VEPH1: variants seen among roughly 807,000 people sequenced by gnomAD.
The protein encoded by VEPH1 is ventricular zone-expressed PH domain-containing protein homolog 1.
A neutral mutation model predicts 85.2 loss-of-function variants in VEPH1; 80 were observed. That is an observed-to-expected ratio of 0.94 (90% CI 0.78 to 1.13). VEPH1 has a LOEUF of 1.13. VEPH1 is among the 50% of genes most tolerant of loss of function. The probability of loss-of-function intolerance (pLI) is 0.00; values close to 1 mark genes in which losing one functional copy is unlikely to be tolerated. For synonymous variants in VEPH1, 297 were observed against 348.0 expected (o/e 0.85, Z 1.63); for missense variants, 955 against 980.5 (o/e 0.97, Z 0.35).
At chr3:157,470,154 A>C (rs1736783193) in intron 3 of VEPH1, among the ~76,000 whole-genome samples, 160 bp downstream of exon 3, 1 of 152,156 alleles carries the variant, frequency 6.6e-6, no homozygotes, top group South Asian at 2.1e-4. Flanking sequence ...GAACTTTCTC[A>C]GTTTATTAAT....
intron 6 of VEPH1, among the ~76,000 whole-genome samples, chr3:157,401,910 T>C (rs1299676157): frequency 6.6e-6 from 1 of 152,128 alleles, no homozygotes; most frequent in African/African-American, 2.4e-5. Context: ...AAGTCCGAAA[T>C]ATGCTTGCCT....
chr3:157,500,982 G>A (rs78537446), intron 1 of VEPH1, among the ~76,000 whole-genome samples: 7,447 of 152,218 alleles, frequency 0.049, 244 homozygotes, highest in Middle Eastern at 0.1. Flanking sequence ...TTAACACAGA[G>A]CCTGGCATAT....
At chr3:157,289,794 A>G (rs757265593) in intron 11 of VEPH1, among the ~76,000 whole-genome samples, 4 of 152,224 alleles carry the variant, frequency 2.6e-5, no homozygotes, top group Non-Finnish European at 4.4e-5. Flanking sequence ...TAAGATAACT[A>G]GACTCCAGAA....
At chr3:157,349,295 C>T (rs1183580266) in intron 9 of VEPH1, among the ~76,000 whole-genome samples, 1 of 152,188 alleles carries the variant, frequency 6.6e-6, no homozygotes, top group Non-Finnish European at 1.5e-5. Context: ...ATGATTATTT[C>T]AATAGATGCA....
At chr3:157,397,502 T>C (rs905876983) in intron 6 of VEPH1, among the ~76,000 whole-genome samples, 4 of 152,098 alleles carry the variant, frequency 2.6e-5, no homozygotes, top group African/African-American at 9.7e-5. Flanking sequence ...TAGCATTGAA[T>C]CTATAGGCAG....
intron 2 of VEPH1, 115 bp downstream of exon 2, chr3:157,495,097 A>G: frequency 2.8e-6 from 3 of 1,069,582 alleles, no homozygotes; most frequent in Non-Finnish European, 4.0e-6. Context: ...AGAGAGACCA[A>G]TATTAGTGGT....
intron 12 of VEPH1, among the ~76,000 whole-genome samples, chr3:157,275,417 A>G (rs935395779): frequency 6.6e-6 from 1 of 152,116 alleles, no homozygotes; most frequent in Non-Finnish European, 1.5e-5. Context: ...TTCTGCTAAA[A>G]TACAAAAAAT....
rs539360434 is a variant in VEPH1, at chr3:157,421,276, TCCAGCCCTGGAAAGCCA to T, written c.696+7029_696+7045del. On this transcript the variant is annotated intron_variant, in intron 5 of 13. Coordinates refer to ENST00000362010, the MANE Select transcript of VEPH1 (RefSeq NM_001167912.2). ...TTTTTCAAGGGCCAACTGTTGACCCTCCAGCCCTGGAAAGCCATGCTATCCCAGGTCACAGAAGGTGG... is the reference window on the plus strand; with the variant it reads ...TTTTTCAAGGGCCAACTGTTGACCCTTGCTATCCCAGGTCACAGAAGGTGG... Among the ~76,000 whole-genome samples the T allele has an allele frequency of 7.9e-5, 12 of 152,126 alleles. No homozygotes were observed. The South Asian group carries it at 2.5e-3, about 32-fold the overall frequency.
chr3:157,423,854 C>A (rs1560050252), intron 5 of VEPH1, among the ~76,000 whole-genome samples: 1 of 152,100 alleles, frequency 6.6e-6, no homozygotes, highest in East Asian at 1.9e-4. Context: ...TTCTTTCTTG[C>A]CTTTCTTTGA....
chr3:157,283,603 T>A (rs1013714400), intron 12 of VEPH1, among the ~76,000 whole-genome samples: 3 of 152,200 alleles, frequency 2.0e-5, no homozygotes, highest in African/African-American at 7.2e-5. Context: ...CAGGAATGTA[T>A]GTGAGTTGAC....
chr3:157,449,479 T>C (rs1268338397), intron 4 of VEPH1, among the ~76,000 whole-genome samples: 1 of 152,230 alleles, frequency 6.6e-6, no homozygotes, highest in Non-Finnish European at 1.5e-5. Context: ...AGTTTCCATA[T>C]ATGCACAGAT....
intron 6 of VEPH1, among the ~76,000 whole-genome samples, chr3:157,405,128 A>C (rs1273329967): frequency 1.3e-5 from 2 of 152,186 alleles, no homozygotes; most frequent in South Asian, 2.1e-4. Context: ...CGATTTCTGG[A>C]GTTTGATCCT....
chr3:157,397,785 A>G (rs1460832278), intron 6 of VEPH1, among the ~76,000 whole-genome samples: 2 of 152,204 alleles, frequency 1.3e-5, no homozygotes, highest in Non-Finnish European at 2.9e-5. Context: ...TCATCCAGCC[A>G]AACCATTGGC....
intron 2 of VEPH1, among the ~76,000 whole-genome samples, chr3:157,493,603 A>C (rs911155656): frequency 6.6e-6 from 1 of 152,230 alleles, no homozygotes; most frequent in Non-Finnish European, 1.5e-5. Context: ...TGAAGAAGAC[A>C]CACGAACTCC....
chr3:157,342,991 C>T (rs762289247), intron 9 of VEPH1, among the ~76,000 whole-genome samples: 3 of 152,182 alleles, frequency 2.0e-5, no homozygotes, highest in African/African-American at 7.2e-5. Context: ...AGAACAAAGA[C>T]ATGACATACC....
chr3:157,408,230 G>A (rs768212123), intron 6 of VEPH1, among the ~76,000 whole-genome samples: 28 of 152,022 alleles, frequency 1.8e-4, no homozygotes, highest in Non-Finnish European at 2.9e-4. Flanking sequence ...CAGCCATTAT[G>A]GATGGCCTTG....
At chr3:157,295,940 GTGAGA>G (rs1292212023) in intron 11 of VEPH1, among the ~76,000 whole-genome samples, 1 of 152,118 alleles carries the variant, frequency 6.6e-6, no homozygotes, top group Admixed American at 6.6e-5. Context: ...GGGCAACAGA[GTGAGA>G]CTCCATCTCA....
At chr3:157,431,445 T>C (rs1443381026) in intron 4 of VEPH1, among the ~76,000 whole-genome samples, 2 of 152,182 alleles carry the variant, frequency 1.3e-5, no homozygotes. Context: ...CCCTGTTCCT[T>C]CATCTCATCT....
chr3:157,293,484 CTA>C (rs2108415215), intron 11 of VEPH1, among the ~76,000 whole-genome samples: 1 of 152,282 alleles, frequency 6.6e-6, no homozygotes, highest in South Asian at 2.1e-4. Context: ...CATGGCAATT[CTA>C]TGTGTCTGGC....
Sources: gnomAD v4.1 joint callset for allele counts (sites outside exome capture counted in the v4.1 genomes callset) on GRCh38, gnomAD v4.1.1 for gene constraint, MANE v1.5 for transcripts, NCBI Gene and HGNC (gene_info 2026-07-23, HGNC 2026-07-21) for gene names.